GJB7: variants seen among roughly 807,000 people sequenced by gnomAD.
GJB7 encodes gap junction beta-7 protein.
For synonymous variants in GJB7, 87 were observed against 95.2 expected (o/e 0.91, Z 0.50); for missense variants, 253 against 256.8 (o/e 0.99, Z 0.10).
At chr6:87,288,399 C>T (rs927456336) in intron 2 of GJB7, among the ~76,000 whole-genome samples, 1 of 152,122 alleles carries the variant, frequency 6.6e-6, no homozygotes, top group African/African-American at 2.4e-5. Context: ...AGCCAATTAA[C>T]GGACATCTGG....
At position 87,313,577 on chromosome 6, in the gene GJB7, A is replaced by G. The variant is rs547352320; in HGVS notation, c.-28+9289T>C. Among the ~76,000 whole-genome samples, 118 of 152,294 alleles carry G rather than the reference A, an allele frequency of 7.7e-4. 2 individuals carry two copies. The highest frequency in any genetic ancestry group is 2.9e-3 in the Admixed American group (44 of 15,288). On this transcript the variant is annotated intron_variant, in intron 2 of 2. Transcript: ENST00000525899. ...TTCCAATCATATTCAAATCTCAACC[A>G]TCTGAAATGGTTGTTATGTCTGTTG... is the stretch of plus-strand genomic sequence containing the variant.
At chr6:87,312,026 G>A (rs1248739369) in intron 2 of GJB7, among the ~76,000 whole-genome samples, 2 of 152,072 alleles carry the variant, frequency 1.3e-5, no homozygotes, top group Admixed American at 6.6e-5. Flanking sequence ...TCAGTTCCCA[G>A]GGGAGGGAGT....
At chr6:87,311,067 A>G (rs897653336) in intron 2 of GJB7, among the ~76,000 whole-genome samples, 1 of 152,242 alleles carries the variant, frequency 6.6e-6, no homozygotes, top group African/African-American at 2.4e-5. Context: ...GAGAATAATT[A>G]TAACCATCAA....
chr6:87,305,888 C>G (rs1208909508), intron 2 of GJB7, among the ~76,000 whole-genome samples: 2 of 152,228 alleles, frequency 1.3e-5, no homozygotes, highest in South Asian at 4.1e-4. Flanking sequence ...CTACAACCAT[C>G]TGATCTTTGA....
chr6:87,301,879 G>A (rs557665040), intron 2 of GJB7, among the ~76,000 whole-genome samples: 6 of 152,278 alleles, frequency 3.9e-5, no homozygotes, highest in East Asian at 1.9e-4. Flanking sequence ...AGCAATACTC[G>A]CTGTTCTGCA....
chr6:87,328,841 C>T (rs1776913812), intron 1 of GJB7, among the ~76,000 whole-genome samples: 1 of 152,242 alleles, frequency 6.6e-6, no homozygotes, highest in African/African-American at 2.4e-5. Context: ...GCGGGCGCCC[C>T]TCCCCCAGCC....
At chr6:87,314,121 A>T (rs1002677499) in intron 2 of GJB7, among the ~76,000 whole-genome samples, 2 of 152,228 alleles carry the variant, frequency 1.3e-5, no homozygotes, top group Non-Finnish European at 2.9e-5. Context: ...TTTCACAGGC[A>T]CTGTATGGTA....
intron 2 of GJB7, among the ~76,000 whole-genome samples, chr6:87,289,317 T>A (rs1458824382): frequency 1.3e-5 from 2 of 152,238 alleles, no homozygotes; most frequent in East Asian, 3.8e-4. Context: ...AATCATATAC[T>A]TGTTTTCGTG....
chr6:87,327,543 G>C (rs545077806), intron 1 of GJB7, among the ~76,000 whole-genome samples: 10,136 of 148,916 alleles, frequency 0.068, 516 homozygotes, highest in African/African-American at 0.18. Flanking sequence ...TGAAATTCTG[G>C]GTTGAAAATT....
intron 1 of GJB7, among the ~76,000 whole-genome samples, chr6:87,327,395 G>A (rs962326412): frequency 4.6e-5 from 7 of 152,164 alleles, no homozygotes; most frequent in African/African-American, 1.7e-4. Context: ...GATGGTACAG[G>A]TTGTTCCTTT....
intron 2 of GJB7, among the ~76,000 whole-genome samples, chr6:87,293,463 T>C (rs1776208581): frequency 7.0e-6 from 1 of 143,134 alleles, no homozygotes; most frequent in East Asian, 1.9e-4. Flanking sequence ...TTTGTTTTTG[T>C]TTTTTTTTTA....
intron 2 of GJB7, chr6:87,299,694 T>C (rs1776293550): frequency 1.2e-5 from 2 of 169,078 alleles, no homozygotes; most frequent in Admixed American, 6.2e-5. Context: ...AACGTGAAGA[T>C]ACAGCTATTG....
chr6:87,326,372 TG>T (rs1776821800), intron 1 of GJB7, among the ~76,000 whole-genome samples: 3 of 152,232 alleles, frequency 2.0e-5, no homozygotes, highest in African/African-American at 7.2e-5. Flanking sequence ...GTGTCAATTT[TG>T]GATCTTTCCT....
intron 2 of GJB7, among the ~76,000 whole-genome samples, chr6:87,318,789 G>A (rs1185951584): frequency 1.3e-5 from 2 of 152,122 alleles, no homozygotes; most frequent in Admixed American, 1.3e-4. Flanking sequence ...TTCATTCAAG[G>A]GAGTCAGATA....
At position 87,316,744 on chromosome 6, in the gene GJB7, C is replaced by T. The variant is rs894258314; in HGVS notation, c.-28+6122G>A. Among the ~76,000 whole-genome samples, 5 of 152,318 alleles carry T rather than the reference C, an allele frequency of 3.3e-5. No individual in the cohort carries two copies. The East Asian group carries it at 5.8e-4, about 18-fold the overall frequency. On this transcript the variant is annotated intron_variant, in intron 2 of 2. Coordinates refer to ENST00000525899, the MANE Select transcript of GJB7 (RefSeq NM_198568.3). Reference sequence around the variant, plus strand: ...TCTCCTGCTGTACTCATTCCCTAAACGTGGATGCATCTGAGCCTTCCTGGA... The same window carrying T: ...TCTCCTGCTGTACTCATTCCCTAAATGTGGATGCATCTGAGCCTTCCTGGA...
At chr6:87,290,692 G>C (rs111522879) in intron 2 of GJB7, among the ~76,000 whole-genome samples, 124 of 152,280 alleles carry the variant, frequency 8.1e-4, no homozygotes, top group Admixed American at 1.8e-3. Context: ...AAACTACACA[G>C]CACTCAGGCC....
intron 2 of GJB7, chr6:87,292,090 A>G (rs1776183399): frequency 6.6e-6 from 1 of 152,218 alleles, no homozygotes; most frequent in African/African-American, 2.4e-5. Context: ...TAACCTGATC[A>G]TTTGTTTTGG....
rs574446364 is a variant in GJB7, at chr6:87,320,851, C to T, written c.-28+2015G>A. 4.3e-4 allele frequency among the ~76,000 whole-genome samples: 65 copies of T among 152,190 alleles called. 1 individual carries two copies. Among genetic ancestry groups the T allele is most frequent in the African/African-American group, 1.4e-3 (59 of 41,490 alleles). Reference sequence around the variant, plus strand: ...GTTCTCCTTATGTAGATAAAGCCTCCGGGTAGCTGGCTTCAAAGAATAGAT... The same window carrying T: ...GTTCTCCTTATGTAGATAAAGCCTCTGGGTAGCTGGCTTCAAAGAATAGAT... On this transcript the variant is annotated intron_variant, in intron 2 of 2. Transcript: ENST00000525899.
At chr6:87,325,668 C>G (rs1483581202) in intron 1 of GJB7, among the ~76,000 whole-genome samples, 1 of 151,778 alleles carries the variant, frequency 6.6e-6, no homozygotes, top group African/African-American at 2.4e-5. Flanking sequence ...TTCCGTTTGC[C>G]AGTATTTTAT....
Sources: gnomAD v4.1 joint callset for allele counts (sites outside exome capture counted in the v4.1 genomes callset) on GRCh38, gnomAD v4.1.1 for gene constraint, MANE v1.5 for transcripts, NCBI Gene and HGNC (gene_info 2026-07-23, HGNC 2026-07-21) for gene names.